APBB1IP: variants seen among roughly 807,000 people sequenced by gnomAD.
APBB1IP encodes the protein amyloid beta precursor protein binding family B member 1 interacting protein, also known as amyloid beta A4 precursor protein-binding family B member 1-interacting protein.
Under a neutral mutation model 64.9 loss-of-function variants are expected in APBB1IP, and 27 were observed. The observed-to-expected ratio is 0.42, with a 90% CI of 0.31 to 0.57. APBB1IP has a LOEUF of 0.57. Among genes scored for constraint, APBB1IP ranks in the 20% least tolerant of loss-of-function variants. The pLI, the probability that APBB1IP is intolerant of heterozygous loss-of-function variation, is 0.20. For synonymous variants in APBB1IP, 392 were observed against 331.0 expected, an observed-to-expected ratio of 1.18 and a Z score of -2.00; for missense variants, 812 against 845.5, an observed-to-expected ratio of 0.96 and a Z score of 0.49.
chr10:26,560,054 C>T (rs1313882061), intron 11 of APBB1IP, 51 bp from the exon 12 acceptor site: 1 of 1,482,404 alleles, frequency 6.7e-7, no homozygotes. Context: ...GTGCTTTGAC[C>T]TCCTAATACA....
intron 11 of APBB1IP, among the ~76,000 whole-genome samples, chr10:26,553,549 G>A (rs530597720): frequency 3.1e-4 from 47 of 152,228 alleles, no homozygotes; most frequent in African/African-American, 1.1e-3. Context: ...AGCTCCTCAG[G>A]TGGCCGATCG....
chr10:26,493,161 G>A (rs1835978649), intron 3 of APBB1IP, among the ~76,000 whole-genome samples: 1 of 152,138 alleles, frequency 6.6e-6, no homozygotes. Context: ...CGGCTCCCAG[G>A]CAGTCAGACC....
intron 8 of APBB1IP, among the ~76,000 whole-genome samples, chr10:26,531,681 T>A (rs1027446132): frequency 4.0e-5 from 6 of 149,252 alleles, no homozygotes; most frequent in Non-Finnish European, 7.5e-5. Flanking sequence ...AAAAAAAAAG[T>A]TAGCAAATCA....
intron 8 of APBB1IP, among the ~76,000 whole-genome samples, chr10:26,526,651 G>A (rs778440565): frequency 1.7e-4 from 26 of 151,878 alleles, no homozygotes; most frequent in Non-Finnish European, 2.8e-4. Flanking sequence ...CCCGGGAGGC[G>A]GAAGTTGCGG....
chr10:26,561,311 A>G (rs1374342882), intron 13 of APBB1IP, among the ~76,000 whole-genome samples: 1 of 147,770 alleles, frequency 6.8e-6, no homozygotes, highest in East Asian at 2.0e-4. Context: ...CTCGTGATGC[A>G]CCTGCCTCAG....
chr10:26,514,740 CT>C (rs1443664353), intron 8 of APBB1IP, among the ~76,000 whole-genome samples: 3 of 151,816 alleles, frequency 2.0e-5, no homozygotes, highest in Admixed American at 1.3e-4. Context: ...GGGAAAATTT[CT>C]CCTATAAATG....
At chr10:26,509,812 C>T (rs938240922) in intron 6 of APBB1IP, 3 of 152,122 alleles carry the variant, frequency 2.0e-5, no homozygotes, top group Non-Finnish European at 2.9e-5. Context: ...TGAGTCTTAT[C>T]GTTGAATAAC....
rs556440442 is a variant in APBB1IP, at chr10:26,461,658, A to G, written c.-1+22805A>G. Among the ~76,000 whole-genome samples, 16 of 152,102 alleles carry G rather than the reference A, an allele frequency of 1.1e-4. 1 individual carries two copies. The highest frequency in any genetic ancestry group is 2.0e-4 in the Admixed American group (3 of 15,266). ...GTTGCAAAAAGTTTCATATTCTTTT[A>G]GGAAGAGTTACCATTTTAATATGGT... On this transcript the variant is annotated intron_variant, in intron 2 of 14. Coordinates refer to ENST00000376236, the MANE Select transcript of APBB1IP (RefSeq NM_019043.4).
chr10:26,475,063 A>G (rs1237956567), intron 2 of APBB1IP, among the ~76,000 whole-genome samples: 1 of 151,928 alleles, frequency 6.6e-6, no homozygotes, highest in Non-Finnish European at 1.5e-5. Flanking sequence ...CTATGAAAGC[A>G]GGTTTCTGTT....
At chr10:26,507,153 T>A (rs955254769) in intron 6 of APBB1IP, among the ~76,000 whole-genome samples, 1 of 151,908 alleles carries the variant, frequency 6.6e-6, no homozygotes, top group African/African-American at 2.4e-5. Context: ...GGGAAACCAT[T>A]TGAGGGTTTT....
rs775669551 is a variant in APBB1IP, at chr10:26,562,376, C to T, written c.1420C>T (p.His474Tyr). Residue 474 changes from histidine (H) to tyrosine (Y), a missense_variant, in exon 14 of 15, where the codon CAT (histidine) becomes TAT (tyrosine). Around this residue, in one of 3 missense-constraint regions of APBB1IP, gnomAD observed 381 missense variants for 352.1 expected, o/e 1.08. Coordinates refer to ENST00000376236, the MANE Select transcript of APBB1IP (RefSeq NM_019043.4). ...QPNGQIPQAT[H>Y]SVSAVLQEAQ... is the part of the protein sequence containing the mutation. ...CAATGGACAGATTCCCCAGGCTACA[C>T]ATTCTGTCAGTGCTGTTCTCCAAGA... 2.5e-6 allele frequency: 4 copies of T among 1,613,920 alleles called. 1 individual carries two copies. In the South Asian group the frequency reaches 3.3e-5, roughly 13 times the overall value.
chr10:26,507,728 C>T (rs1311892597), intron 6 of APBB1IP, among the ~76,000 whole-genome samples: 2 of 152,140 alleles, frequency 1.3e-5, no homozygotes, highest in African/African-American at 4.8e-5. Context: ...CTATTTCAAA[C>T]CCCTGGATTA....
At chr10:26,551,214 G>T (rs958223805) in intron 11 of APBB1IP, among the ~76,000 whole-genome samples, 1 of 152,178 alleles carries the variant, frequency 6.6e-6, no homozygotes, top group African/African-American at 2.4e-5. Flanking sequence ...TCCCTTGCTG[G>T]CCTCACGTGT....
intron 10 of APBB1IP, among the ~76,000 whole-genome samples, chr10:26,539,252 G>C (rs1270605450): frequency 1.3e-5 from 2 of 151,780 alleles, no homozygotes; most frequent in Non-Finnish European, 2.9e-5. Flanking sequence ...CTGTACAAAA[G>C]GAATAAAAAA....
At chr10:26,553,540 G>T (rs565495419) in intron 11 of APBB1IP, among the ~76,000 whole-genome samples, 1 of 152,224 alleles carries the variant, frequency 6.6e-6, no homozygotes, top group East Asian at 1.9e-4. Context: ...TGTGGTCCCA[G>T]CTCCTCAGGT....
chr10:26,461,017 A>G (rs1256743962), intron 2 of APBB1IP, among the ~76,000 whole-genome samples: 2 of 152,160 alleles, frequency 1.3e-5, no homozygotes, highest in Non-Finnish European at 2.9e-5. Context: ...GTAGAATCCT[A>G]ACTGCAAGGG....
intron 10 of APBB1IP, 111 bp downstream of exon 10, chr10:26,536,328 T>C: frequency 1.6e-6 from 2 of 1,216,838 alleles, no homozygotes; most frequent in South Asian, 3.3e-5. Flanking sequence ...GCAGATTCCA[T>C]AATCCTGCAA....
intron 4 of APBB1IP, among the ~76,000 whole-genome samples, chr10:26,498,522 T>C (rs1836057056): frequency 6.6e-6 from 1 of 152,038 alleles, no homozygotes; most frequent in Non-Finnish European, 1.5e-5. Context: ...AATAAATAAA[T>C]GCTATACACT....
intron 5 of APBB1IP, 119 bp downstream of exon 5, chr10:26,501,230 A>C: frequency 6.9e-7 from 1 of 1,452,416 alleles, no homozygotes; most frequent in African/African-American, 1.4e-5. Context: ...GATACTAAAA[A>C]ACAAAGATAC....
Sources: gnomAD v4.1 joint callset for allele counts (sites outside exome capture counted in the v4.1 genomes callset) on GRCh38, gnomAD v4.1.1 for gene constraint, gnomAD v4.1.1 regional missense constraint, MANE v1.5 for transcripts, NCBI Gene and HGNC (gene_info 2026-07-23, HGNC 2026-07-21) for gene names.